Variants in DNAJB14 observed in about 807,000 individuals in gnomAD.
The protein encoded by DNAJB14 is dnaJ homolog subfamily B member 14.
In DNAJB14, 22 loss-of-function variants were observed where a neutral mutation model predicts 48.4. The ratio of observed to expected loss-of-function variants is 0.45; its 90% CI spans 0.32 to 0.65. The LOEUF (loss-of-function observed/expected upper bound fraction) is 0.65, where lower values mean the gene tolerates loss of function less well. Ranked by LOEUF, DNAJB14 falls within the 30% of genes least tolerant of loss-of-function variation. The pLI, the probability that DNAJB14 is intolerant of heterozygous loss-of-function variation, is 0.03. For missense variants in DNAJB14, 319 were observed against 458.8 expected (o/e 0.70, Z 2.78); for synonymous variants, 142 against 158.7 (o/e 0.89, Z 0.79).
intron 2 of DNAJB14, chr4:99,929,644 GAAAC>G (rs987184261): frequency 7.2e-5 from 11 of 152,096 alleles, no homozygotes; most frequent in South Asian, 2.1e-4. Context: ...AATTAAAAGA[GAAAC>G]AGACAAGAAA....
chr4:99,924,742 C>A, intron 2 of DNAJB14: 1 of 1,611,016 alleles, frequency 6.2e-7, no homozygotes, highest in Admixed American at 1.7e-5. Flanking sequence ...AAATGGGGGG[C>A]ATTTATAAAA....
At chr4:99,922,160 G>T (rs1325512211) in intron 3 of DNAJB14, among the ~76,000 whole-genome samples, 1 of 152,142 alleles carries the variant, frequency 6.6e-6, no homozygotes, top group Non-Finnish European at 1.5e-5. Flanking sequence ...ATTCCCAAAT[G>T]TATTTTCCTT....
rs1725188021 is a variant in DNAJB14 at position 99,898,231 on chromosome 4, A to C, written c.*2797T>G. 1 of 152,014 alleles carries C rather than the reference A, an allele frequency of 6.6e-6. No individual in the cohort carries two copies. The highest frequency in any genetic ancestry group is 2.4e-5 in the African/African-American group (1 of 41,438). 9.4% of individuals were successfully genotyped at this position (152,014 alleles called of 1,614,324 possible). Reference sequence around the variant, plus strand: ...AGCTGGCACAAAAGCTGAGTAGTTTAATGCATTGGCATATATATGCCTTAA... The same window carrying C: ...AGCTGGCACAAAAGCTGAGTAGTTTCATGCATTGGCATATATATGCCTTAA... On this transcript the variant is annotated 3_prime_UTR_variant, in exon 8 of 8. Coordinates refer to ENST00000442697, the MANE Select transcript of DNAJB14 (RefSeq NM_001031723.4).
chr4:99,927,928 G>C (rs1188114802), intron 2 of DNAJB14: 1 of 152,080 alleles, frequency 6.6e-6, no homozygotes, highest in Non-Finnish European at 1.5e-5. Flanking sequence ...ACTTATGAAG[G>C]CTAATATAAG....
chr4:99,912,477 C>T (rs376229206), intron 3 of DNAJB14, among the ~76,000 whole-genome samples: 30 of 151,138 alleles, frequency 2.0e-4, no homozygotes, highest in Admixed American at 3.3e-4. Flanking sequence ...TCTGTGATGA[C>T]TTGACTTTTT....
chr4:99,944,012 A>C (rs1260691230), intron 1 of DNAJB14, among the ~76,000 whole-genome samples: 1 of 152,180 alleles, frequency 6.6e-6, no homozygotes, highest in Admixed American at 6.5e-5. Flanking sequence ...AATATCCAGA[A>C]TAAATAAGGA....
intron 2 of DNAJB14, chr4:99,924,835 C>A: frequency 6.6e-7 from 1 of 1,517,722 alleles, no homozygotes; most frequent in Middle Eastern, 1.7e-4. Flanking sequence ...CAAAGTTATT[C>A]TATAACTAAT....
chr4:99,937,386 G>C (rs1363386518), intron 1 of DNAJB14, among the ~76,000 whole-genome samples: 2 of 152,074 alleles, frequency 1.3e-5, no homozygotes, highest in Non-Finnish European at 2.9e-5. Context: ...AACCTCACCA[G>C]TAAGGACCAA....
chr4:99,908,949 G>A, intron 3 of DNAJB14, 53 bp from the exon 4 acceptor site: 3 of 1,298,584 alleles, frequency 2.3e-6, no homozygotes, highest in Non-Finnish European at 3.1e-6. Flanking sequence ...ATTATAAAAG[G>A]CTGCCCCACA....
intron 1 of DNAJB14, chr4:99,942,101 G>C (rs1037101676): frequency 2.0e-5 from 3 of 151,986 alleles, no homozygotes; most frequent in Admixed American, 2.0e-4. Flanking sequence ...TTTTTTATTA[G>C]ATATAAATTT....
intron 3 of DNAJB14, among the ~76,000 whole-genome samples, chr4:99,914,436 T>C (rs1457361231): frequency 1.3e-5 from 2 of 152,014 alleles, no homozygotes; most frequent in African/African-American, 2.4e-5. Context: ...TAGGTGGGAA[T>C]TGAACAATGA....
Position 99,896,844 on chromosome 4 carries a change from C to A in DNAJB14, c.*4184G>T, listed in dbSNP as rs141538363. On this transcript the variant is annotated 3_prime_UTR_variant, in exon 8 of 8. Transcript: ENST00000442697. ...GCTGAAGTGAATGAGACTTGCCATG[C>A]CAGGTGTCATCTGCTATGCAGTTAC... 6.6e-6 allele frequency: 1 copy of A among 152,084 alleles called. No homozygotes were observed. Among genetic ancestry groups the A allele is most frequent in the African/African-American group, 2.4e-5 (1 of 41,422 alleles). 9.4% of individuals were successfully genotyped at this position (152,084 alleles called of 1,614,324 possible).
intron 2 of DNAJB14, chr4:99,924,873 T>A: frequency 7.8e-7 from 1 of 1,284,972 alleles, no homozygotes; most frequent in Admixed American, 1.8e-5. Flanking sequence ...TGAATTCAAC[T>A]GTAGATTTTG....
intron 1 of DNAJB14, chr4:99,942,168 C>G (rs1223523580): frequency 6.6e-6 from 1 of 151,930 alleles, no homozygotes; most frequent in East Asian, 1.9e-4. Flanking sequence ...TGCTATTGTG[C>G]AGATAGATGC....
intron 5 of DNAJB14, chr4:99,906,040 T>G: frequency 1.5e-6 from 2 of 1,310,098 alleles, no homozygotes; most frequent in East Asian, 4.9e-5. Flanking sequence ...TTTTTTACCT[T>G]GGATTTGAGG....
At chr4:99,921,057 G>C (rs1361089699) in intron 3 of DNAJB14, among the ~76,000 whole-genome samples, 3 of 152,160 alleles carry the variant, frequency 2.0e-5, no homozygotes, top group African/African-American at 7.2e-5. Flanking sequence ...ATTTCTGTGT[G>C]ATGATGCCAT....
chr4:99,937,036 G>T (rs1009747464), intron 1 of DNAJB14, among the ~76,000 whole-genome samples: 2 of 152,170 alleles, frequency 1.3e-5, no homozygotes, highest in African/African-American at 4.8e-5. Context: ...GAATAACATC[G>T]CCAGGCGCAG....
chr4:99,904,874 T>C (rs1487022758), intron 6 of DNAJB14, among the ~76,000 whole-genome samples: 1 of 152,112 alleles, frequency 6.6e-6, no homozygotes, highest in Non-Finnish European at 1.5e-5. Context: ...TAACCACACT[T>C]TTAAATATAC....
chr4:99,922,363 C>T (rs988753371), intron 3 of DNAJB14, among the ~76,000 whole-genome samples: 2 of 151,986 alleles, frequency 1.3e-5, no homozygotes, highest in African/African-American at 4.8e-5. Flanking sequence ...CAAGAATGAA[C>T]AATCACAAAT....
Sources: allele counts gnomAD v4.1 joint callset (sites outside exome capture counted in the v4.1 genomes callset), GRCh38; gene constraint gnomAD v4.1.1; transcripts MANE v1.5; gene names NCBI Gene and HGNC (gene_info 2026-07-23, HGNC 2026-07-21).